The following DNAH9 variants were observed in gnomAD, a reference collection of about 807,000 sequenced individuals.
DNAH9 encodes the protein dynein axonemal heavy chain 9.
DNAH9 carries 345 observed loss-of-function variants against 471.6 expected under a neutral mutation model. The observed-to-expected ratio is 0.73, with a 90% CI of 0.67 to 0.80. The LOEUF (loss-of-function observed/expected upper bound fraction) is 0.80, where lower values mean the gene tolerates loss of function less well. Ranked by LOEUF, DNAH9 falls within the 30% of genes least tolerant of loss-of-function variation. DNAH9 has a pLI of 0.00. For missense variants in DNAH9, 5,407 were observed against 5,609.2 expected, an observed-to-expected ratio of 0.96 and a Z score of 1.15; for synonymous variants, 2,093 against 2,123.6, an observed-to-expected ratio of 0.99 and a Z score of 0.40.
At position 11,848,594 on chromosome 17, in the gene DNAH9, G is replaced by A. The variant is rs11868262; in HGVS notation, c.9508-5409G>A. On this transcript the variant is annotated intron_variant, in intron 49 of 68. Coordinates refer to ENST00000262442, the MANE Select transcript of DNAH9 (RefSeq NM_001372.4). Reference sequence around the variant, plus strand: ...ATTTAATAATTATTAATGACAATTTGTACAAAGAATACTAAAAATGTTTTT... The same window carrying A: ...ATTTAATAATTATTAATGACAATTTATACAAAGAATACTAAAAATGTTTTT... Among the ~76,000 whole-genome samples, 169 of 151,924 alleles carry A rather than the reference G, an allele frequency of 1.1e-3. 1 individual carries two copies. The highest frequency in any genetic ancestry group is 3.9e-3 in the African/African-American group (160 of 41,480).
chr17:11,802,183 A>G (rs1308694402), intron 43 of DNAH9, among the ~76,000 whole-genome samples: 6 of 152,120 alleles, frequency 3.9e-5, no homozygotes. Flanking sequence ...TCTACCAACC[A>G]ATAAAGCAGA....
chr17:11,639,248 A>G (rs2150683333), intron 9 of DNAH9, among the ~76,000 whole-genome samples: 1 of 152,298 alleles, frequency 6.6e-6, no homozygotes, highest in South Asian at 2.1e-4. Context: ...CAGGAAATGA[A>G]AATCATGGAT....
intron 38 of DNAH9, among the ~76,000 whole-genome samples, chr17:11,776,353 CA>C (rs78587925): frequency 0.065 from 7,342 of 112,544 alleles, 220 homozygotes; most frequent in South Asian, 0.1. Context: ...CATCTGCATT[CA>C]AAAAAAAAAA....
intron 45 of DNAH9, among the ~76,000 whole-genome samples, chr17:11,812,468 G>A (rs1969962457): frequency 6.6e-6 from 1 of 152,010 alleles, no homozygotes; most frequent in African/African-American, 2.4e-5. Context: ...ACAACCTCCA[G>A]GAAGTTCCTG....
At chr17:11,902,588 A>C (rs1973448641) in intron 59 of DNAH9, 131 bp from the exon 60 acceptor site, 6 of 907,900 alleles carry the variant, frequency 6.6e-6, no homozygotes, top group Middle Eastern at 2.3e-4. Flanking sequence ...GGGATGATCC[A>C]AAGCTCTAGA....
intron 38 of DNAH9, among the ~76,000 whole-genome samples, chr17:11,771,694 C>A (rs924460193): frequency 6.6e-6 from 1 of 152,126 alleles, no homozygotes; most frequent in Non-Finnish European, 1.5e-5. Context: ...AATATGTACC[C>A]TTATTTTCAA....
chr17:11,708,948 G>A (rs2150783928), intron 26 of DNAH9, among the ~76,000 whole-genome samples: 1 of 152,236 alleles, frequency 6.6e-6, no homozygotes, highest in Non-Finnish European at 1.5e-5. Context: ...GCAATGAAAT[G>A]ATTCCTGAGC....
intron 30 of DNAH9, 84 bp from the exon 31 acceptor site, chr17:11,744,713 A>G (rs1298744044): frequency 1.6e-6 from 2 of 1,233,426 alleles, no homozygotes; most frequent in Non-Finnish European, 2.3e-6. Context: ...CCTAATGCTC[A>G]TAGCATATCT....
chr17:11,749,642 T>A (rs963028733), intron 32 of DNAH9, among the ~76,000 whole-genome samples: 7 of 152,082 alleles, frequency 4.6e-5, no homozygotes, highest in African/African-American at 1.7e-4. Flanking sequence ...CTGGAATTTA[T>A]GTTGGGGCTT....
At chr17:11,833,396 A>G (rs1318798173) in intron 48 of DNAH9, among the ~76,000 whole-genome samples, 1 of 152,234 alleles carries the variant, frequency 6.6e-6, no homozygotes, top group Non-Finnish European at 1.5e-5. Flanking sequence ...AAAGTCAGCC[A>G]CCATTACTTG....
At chr17:11,774,583 G>A (rs61185535) in intron 38 of DNAH9, among the ~76,000 whole-genome samples, 23,900 of 152,110 alleles carry the variant, frequency 0.16, 1,950 homozygotes, top group Non-Finnish European at 0.18. Context: ...TCACTATCAT[G>A]AGACCAGCAC....
In DNAH9 at chr17:11,651,202, A is replaced by C; in HGVS notation, c.2231A>C (p.Asn744Thr). 1 of 1,614,124 alleles carries C rather than the reference A, an allele frequency of 6.2e-7. No homozygotes were observed. The highest frequency in any genetic ancestry group is 8.5e-7 in the Non-Finnish European group (1 of 1,180,022). ...QLVANLELMA[N>T]WYNKVMKTLL... Reference sequence around the variant, plus strand: ...GTGGCTAATTTAGAGTTGATGGCAAATTGGTACAACAAGGTTATGAAAACT... The same window carrying C: ...GTGGCTAATTTAGAGTTGATGGCAACTTGGTACAACAAGGTTATGAAAACT... The change falls in exon 13 of 69, where the codon AAT becomes ACT. Residue 744 changes from asparagine (N) to threonine (T), a missense_variant. By Grantham distance (65) the Asn-to-Thr change is moderately conservative. Coordinates refer to ENST00000262442, the MANE Select transcript of DNAH9 (RefSeq NM_001372.4).
At chr17:11,948,501 A>G (rs1037429743) in intron 67 of DNAH9, among the ~76,000 whole-genome samples, 4 of 152,132 alleles carry the variant, frequency 2.6e-5, no homozygotes, top group Non-Finnish European at 5.9e-5. Flanking sequence ...ACGTGCTGGG[A>G]TTACAGGCGT....
intron 53 of DNAH9, among the ~76,000 whole-genome samples, chr17:11,877,030 T>G (rs75437195): frequency 0.045 from 6,880 of 152,002 alleles, 443 homozygotes; most frequent in African/African-American, 0.14. Flanking sequence ...TTTTGGTTTT[T>G]CAAGAACAGT....
chr17:11,969,275 G>A (rs1383825431), intron 68 of DNAH9, 25 bp from the exon 69 acceptor site: 2 of 1,606,556 alleles, frequency 1.2e-6, no homozygotes, highest in South Asian at 1.1e-5. Context: ...GATCTAAGGT[G>A]CCTCTTCTCA....
intron 19 of DNAH9, among the ~76,000 whole-genome samples, chr17:11,686,049 C>A (rs946807988): frequency 7.2e-5 from 11 of 151,998 alleles, no homozygotes; most frequent in Non-Finnish European, 1.3e-4. Flanking sequence ...CATGATCCAC[C>A]CGCCTCGGCC....
intron 62 of DNAH9, among the ~76,000 whole-genome samples, chr17:11,929,248 A>T (rs1180614809): frequency 6.6e-6 from 1 of 151,624 alleles, no homozygotes; most frequent in Non-Finnish European, 1.5e-5. Flanking sequence ...GTTAGCCAGG[A>T]TGGTCTCGAT....
intron 50 of DNAH9, among the ~76,000 whole-genome samples, chr17:11,862,695 T>C (rs565454897): frequency 1.3e-5 from 2 of 152,332 alleles, no homozygotes; most frequent in African/African-American, 4.8e-5. Context: ...TTTAATTTCA[T>C]TGAGCAGTGG....
At chr17:11,877,094 A>G (rs974650163) in intron 53 of DNAH9, among the ~76,000 whole-genome samples, 3 of 151,916 alleles carry the variant, frequency 2.0e-5, no homozygotes, top group Non-Finnish European at 4.4e-5. Flanking sequence ...AAGCCATGGA[A>G]CTGTACACAT....
Sources: gnomAD v4.1 joint callset for allele counts (sites outside exome capture counted in the v4.1 genomes callset) on GRCh38, gnomAD v4.1.1 for gene constraint, MANE v1.5 for transcripts, NCBI Gene and HGNC (gene_info 2026-07-23, HGNC 2026-07-21) for gene names.